Variants in PAM observed in about 807,000 individuals in gnomAD.
The protein encoded by PAM is peptidylglycine alpha-amidating monooxygenase, also known as peptidyl-glycine alpha-amidating monooxygenase.
Under a neutral mutation model 122.1 loss-of-function variants are expected in PAM, and 72 were observed. That is an observed-to-expected ratio of 0.59 (90% CI 0.49 to 0.72). The LOEUF is 0.72. PAM is among the 30% of genes least tolerant of loss of function. PAM has a pLI of 0.00. For missense variants in PAM, 1,106 were observed against 1,183.7 expected, an observed-to-expected ratio of 0.93 and a Z score of 0.96; for synonymous variants, 389 against 404.4, an observed-to-expected ratio of 0.96 and a Z score of 0.46.
chr5:102,932,956 A>G (rs998136042), intron 7 of PAM, among the ~76,000 whole-genome samples: 6 of 152,172 alleles, frequency 3.9e-5, no homozygotes, highest in African/African-American at 1.4e-4. Flanking sequence ...TTGTCAAGCT[A>G]CCATTGCAAC....
intron 21 of PAM, among the ~76,000 whole-genome samples, chr5:103,015,489 T>A (rs1781712372): frequency 6.6e-6 from 1 of 152,172 alleles, no homozygotes; most frequent in Non-Finnish European, 1.5e-5. Context: ...GATTAGAAGA[T>A]CTTTATGTCT....
chr5:102,811,938 A>C (rs907057408), intron 1 of PAM, among the ~76,000 whole-genome samples: 11 of 152,334 alleles, frequency 7.2e-5, no homozygotes, highest in Middle Eastern at 3.4e-3. Context: ...ATTTTTATTG[A>C]GAGGCTCACA....
rs527781080 is a variant in PAM at position 103,016,600 on chromosome 5, T to G, written c.2332-734T>G. On this transcript the variant is annotated intron_variant, in intron 21 of 25. Coordinates refer to ENST00000438793, the MANE Select transcript of PAM (RefSeq NM_001177306.2). ...AAGTCACAAAAGGATCTCCCCTGTC[T>G]CTTGTGTCCTCATAATGGAGATGAC... Among the ~76,000 whole-genome samples the G allele has an allele frequency of 9.3e-4, 141 of 152,302 alleles. 1 individual carries two copies. Among genetic ancestry groups the G allele is most frequent in the African/African-American group, 3.3e-3 (138 of 41,576 alleles).
intron 1 of PAM, among the ~76,000 whole-genome samples, chr5:102,858,964 A>G (rs1157062716): frequency 6.6e-6 from 1 of 152,150 alleles, no homozygotes. Context: ...CATAATGTCA[A>G]TGCATTACTC....
At chr5:102,778,861 G>GT (rs1174484747) in intron 1 of PAM, among the ~76,000 whole-genome samples, 1 of 152,112 alleles carries the variant, frequency 6.6e-6, no homozygotes, top group Non-Finnish European at 1.5e-5. Flanking sequence ...AGGTTTACCC[G>GT]TTTGTGTTTT....
intron 7 of PAM, among the ~76,000 whole-genome samples, chr5:102,938,686 T>C (rs1581918539): frequency 6.6e-6 from 1 of 152,174 alleles, no homozygotes; most frequent in Admixed American, 6.6e-5. Context: ...ATCTAATTAA[T>C]TCCATTTGAA....
chr5:102,942,183 G>A (rs1382815278), intron 7 of PAM, among the ~76,000 whole-genome samples: 3 of 151,954 alleles, frequency 2.0e-5, no homozygotes, highest in Non-Finnish European at 2.9e-5. Flanking sequence ...ATTCTCCTAC[G>A]GGATTTTCAA....
At chr5:102,942,096 C>A (rs1211678477) in intron 7 of PAM, among the ~76,000 whole-genome samples, 2 of 151,944 alleles carry the variant, frequency 1.3e-5, no homozygotes, top group Non-Finnish European at 2.9e-5. Flanking sequence ...CATGGCCCAA[C>A]TGACACAGCT....
chr5:102,877,480 A>G (rs1448388064), intron 3 of PAM, among the ~76,000 whole-genome samples: 1 of 152,218 alleles, frequency 6.6e-6, no homozygotes, highest in Non-Finnish European at 1.5e-5. Flanking sequence ...TATTTAGAAA[A>G]TATTTATGGA....
chr5:102,938,924 A>G (rs2151876629), intron 7 of PAM, among the ~76,000 whole-genome samples: 1 of 152,234 alleles, frequency 6.6e-6, no homozygotes, highest in Middle Eastern at 3.4e-3. Flanking sequence ...TGGCCCTGAC[A>G]TGTTTGTTTA....
chr5:102,899,875 G>A (rs1189559590), intron 3 of PAM, among the ~76,000 whole-genome samples: 1 of 151,618 alleles, frequency 6.6e-6, no homozygotes, highest in African/African-American at 2.4e-5. Context: ...GGTCCATGTG[G>A]CTGGGCCATC....
Position 102,965,162 on chromosome 5 carries a change from GACACAC to G in PAM, c.1162+3964_1162+3969del, listed in dbSNP as rs66633444. Among the ~76,000 whole-genome samples, 457 of 138,806 alleles carry G rather than the reference GACACAC, an allele frequency of 3.3e-3. 4 individuals are homozygous for G. The highest frequency in any genetic ancestry group is 0.012 in the African/African-American group (438 of 37,822). The allele number at this position is 138,806 out of a possible 152,430, so 91.1% of individuals were successfully genotyped here. ...GTTCACACTGATGTCTTCCAAAGCA[GACACAC>G]ACACACACACACACACACACACACA... On this transcript the variant is annotated intron_variant, in intron 14 of 25. Coordinates refer to ENST00000438793, the MANE Select transcript of PAM (RefSeq NM_001177306.2).
At chr5:102,792,278 G>A (rs1227517358) in intron 1 of PAM, among the ~76,000 whole-genome samples, 4 of 152,098 alleles carry the variant, frequency 2.6e-5, no homozygotes, top group African/African-American at 7.2e-5. Context: ...AAATCTTAAT[G>A]TTGAGAAAAA....
chr5:102,891,323 C>T (rs929108348), intron 3 of PAM, among the ~76,000 whole-genome samples: 16 of 151,748 alleles, frequency 1.1e-4, no homozygotes, highest in African/African-American at 3.4e-4. Flanking sequence ...GAAATGTTTA[C>T]GACATATAAA....
chr5:102,925,175 A>G, intron 6 of PAM, 133 bp downstream of exon 6: 1 of 639,384 alleles, frequency 1.6e-6, no homozygotes, highest in South Asian at 2.0e-5. Flanking sequence ...AAGTACTTGC[A>G]TTACCTCTTT....
chr5:102,875,747 T>A (rs1788975946), intron 3 of PAM, among the ~76,000 whole-genome samples: 1 of 152,218 alleles, frequency 6.6e-6, no homozygotes, highest in African/African-American at 2.4e-5. Flanking sequence ...ACTGTTGTAG[T>A]TAGAAAGCAG....
At chr5:102,802,612 A>T (rs1044234436) in intron 1 of PAM, among the ~76,000 whole-genome samples, 3 of 152,122 alleles carry the variant, frequency 2.0e-5, no homozygotes, top group African/African-American at 4.8e-5. Flanking sequence ...TTTAAATATT[A>T]AAAAAACTGA....
At chr5:102,902,004 A>G (rs1168602290) in intron 4 of PAM, among the ~76,000 whole-genome samples, 1 of 151,662 alleles carries the variant, frequency 6.6e-6, no homozygotes, top group Non-Finnish European at 1.5e-5. Flanking sequence ...AGGAAAAGTG[A>G]CAAAGCACCA....
At chr5:103,015,117 A>G (rs543984684) in intron 21 of PAM, among the ~76,000 whole-genome samples, 1 of 152,320 alleles carries the variant, frequency 6.6e-6, no homozygotes, top group South Asian at 2.1e-4. Flanking sequence ...ATGGAGTAGC[A>G]TATGTGGATC....
Sources: gnomAD v4.1 joint callset for allele counts (sites outside exome capture counted in the v4.1 genomes callset) on GRCh38, gnomAD v4.1.1 for gene constraint, MANE v1.5 for transcripts, NCBI Gene and HGNC (gene_info 2026-07-23, HGNC 2026-07-21) for gene names.